HK1: variants seen among roughly 807,000 people sequenced by gnomAD.
HK1 encodes hexokinase-1.
HK1 carries 28 observed loss-of-function variants against 91.6 expected under a neutral mutation model. That is an observed-to-expected ratio of 0.31 (90% confidence interval 0.23 to 0.42). The LOEUF (loss-of-function observed/expected upper bound fraction) is 0.42. HK1 is among the 10% of genes least tolerant of loss of function. The pLI, the probability that HK1 is intolerant of heterozygous loss-of-function variation, is 1.00. For missense variants in HK1, 770 were observed against 1,219.8 expected (o/e 0.63, Z 5.49); for synonymous variants, 430 against 468.1 (o/e 0.92, Z 1.05).
rs1490532338 is a variant in HK1, at chr10:69,386,319, G to A, written c.1840-4G>A. ...GGACTCTCCTGGTGCTTTTTATGTTGTAGGGAATCTTGATCACGTGGACAA... is the reference window on the plus strand; with the variant it reads ...GGACTCTCCTGGTGCTTTTTATGTTATAGGGAATCTTGATCACGTGGACAA... On this transcript the variant is annotated splice_region_variant and splice_polypyrimidine_tract_variant and intron_variant, in intron 12 of 17. Coordinates refer to ENST00000359426, the MANE Select transcript of HK1 (RefSeq NM_000188.3). 1.2e-6 allele frequency: 2 copies of A among 1,612,874 alleles called. No individual in the cohort carries two copies. Among genetic ancestry groups the A allele is most frequent in the Admixed American group, 1.7e-5 (1 of 60,020 alleles).
intron 2 of HK1, among the ~76,000 whole-genome samples, chr10:69,352,793 A>G (rs375836636): frequency 2.0e-5 from 3 of 152,204 alleles, no homozygotes; most frequent in African/African-American, 7.2e-5. Flanking sequence ...CTAAAATTAG[A>G]TAGTGGTGAT....
chr10:69,378,097 T>C (rs1430970969), intron 8 of HK1, among the ~76,000 whole-genome samples: 2 of 152,206 alleles, frequency 1.3e-5, no homozygotes, highest in Non-Finnish European at 2.9e-5. Flanking sequence ...ATCACTCTCC[T>C]GAGTTTCCAG....
intron 1 of HK1, among the ~76,000 whole-genome samples, chr10:69,326,998 A>C (rs1033998853): frequency 9.0e-5 from 13 of 143,966 alleles, no homozygotes; most frequent in African/African-American, 3.0e-4. Flanking sequence ...TGTGGTTTTA[A>C]ACTTTTTTTT....
At chr10:69,313,775 G>T (rs931385521), upstream of HK1, among the ~76,000 whole-genome samples, 1 of 152,288 alleles carries the variant, frequency 6.6e-6, no homozygotes, top group Admixed American at 6.5e-5. Flanking sequence ...GATTACAGGC[G>T]TGAGGCACCG....
intron 1 of HK1, among the ~76,000 whole-genome samples, chr10:69,276,748 A>C (rs1007033415): frequency 6.0e-5 from 9 of 149,994 alleles, no homozygotes; most frequent in Admixed American, 6.0e-4. Context: ...TAAACATCAA[A>C]TCATTCAATC....
intron 3 of HK1, among the ~76,000 whole-genome samples, chr10:69,364,067 A>G (rs1337874790): frequency 6.6e-6 from 1 of 152,228 alleles, no homozygotes; most frequent in Non-Finnish European, 1.5e-5. Context: ...AGGCAGATGT[A>G]ACTGAGGGTG....
chr10:69,284,128 A>T (rs1349352890), intron 2 of HK1, among the ~76,000 whole-genome samples: 2 of 152,082 alleles, frequency 1.3e-5, no homozygotes, highest in African/African-American at 4.8e-5. Flanking sequence ...TACTACCCTC[A>T]GGGTTTGGGA....
At chr10:69,285,162 C>T (rs1369741435) in intron 2 of HK1, among the ~76,000 whole-genome samples, 2 of 150,558 alleles carry the variant, frequency 1.3e-5, no homozygotes, top group South Asian at 2.2e-4. Flanking sequence ...AGGCCGGGCG[C>T]GGTGGCTCAC....
At chr10:69,331,268 G>A (rs1201108997) in intron 1 of HK1, among the ~76,000 whole-genome samples, 1 of 152,198 alleles carries the variant, frequency 6.6e-6, no homozygotes, top group Non-Finnish European at 1.5e-5. Flanking sequence ...CATTGTTCTT[G>A]TTACTCTGTC....
In HK1 at chr10:69,386,404, A is replaced by T; in HGVS notation, c.1921A>T (p.Ile641Leu). 6.2e-7 allele frequency: 1 copy of T among 1,612,290 alleles called. No homozygotes were observed. Among genetic ancestry groups the T allele is most frequent in the Non-Finnish European group, 8.5e-7 (1 of 1,178,274 alleles). ...HDVVTLLRDA[I>L]KRREEFDLDV... ...TGTAGTCACCTTACTAAGGGATGCG[A>T]TAAAAAGGAGAGAGGTAACTATTAA... is the stretch of plus-strand genomic sequence containing the variant. The change falls in exon 13 of 18, where the codon ATA (isoleucine) becomes TTA (leucine). Residue 641 changes from isoleucine to leucine, a missense_variant. By Grantham distance (5) the Ile-to-Leu change is conservative. Transcript: ENST00000359426.
At chr10:69,373,421 C>T (rs1438153936) in intron 7 of HK1, among the ~76,000 whole-genome samples, 1 of 152,158 alleles carries the variant, frequency 6.6e-6, no homozygotes, top group Non-Finnish European at 1.5e-5. Flanking sequence ...CCCCACCTTG[C>T]CCCAGAGCCA....
Position 69,368,639 on chromosome 10 carries a change from C to T in HK1, c.591+8C>T. 1 of 1,604,144 alleles carries T rather than the reference C, an allele frequency of 6.2e-7. No homozygotes were observed. Among genetic ancestry groups the T allele is most frequent in the South Asian group, 1.1e-5 (1 of 90,868 alleles). The stretch of plus-strand genomic sequence containing the variant: ...GCCATCAAAAAGCGAGGGGTAATTT[C>T]TCCTGGGCCCTCTGCCTCAGCCATG... On this transcript the variant is annotated splice_region_variant and intron_variant, in intron 5 of 17. Transcript: ENST00000359426.
At chr10:69,395,769 G>T (rs1304092011) in intron 16 of HK1, among the ~76,000 whole-genome samples, 1 of 152,130 alleles carries the variant, frequency 6.6e-6, no homozygotes, top group African/African-American at 2.4e-5. Context: ...GCAGCCTGGG[G>T]TTCAGTGCCA....
In HK1 at chr10:69,368,587, G is replaced by C; in HGVS notation, c.547G>C (p.Ala183Pro). 2 of 1,614,240 alleles carry C rather than the reference G, an allele frequency of 1.2e-6. No individual in the cohort carries two copies. The highest frequency in any genetic ancestry group is 1.7e-6 in the Non-Finnish European group (2 of 1,180,022). Reference protein sequence around the residue: ...KRFKASGVEGADVVKLLNKAI... With the variant: ...KRFKASGVEGPDVVKLLNKAI... ...ATTTAAAGCGAGCGGAGTGGAAGGA[G>C]CAGATGTGGTCAAACTGCTTAACAA... Residue 183 changes from alanine (A) to proline (P), a missense_variant, in exon 5 of 18, where the codon GCA becomes CCA. Around this residue, in one of 7 missense-constraint regions of HK1, gnomAD observed 449 missense variants for 665.1 expected, o/e 0.68. Transcript: ENST00000359426.
intron 1 of HK1, among the ~76,000 whole-genome samples, chr10:69,324,312 C>T (rs1033239065): frequency 2.6e-5 from 4 of 152,070 alleles, no homozygotes; most frequent in South Asian, 2.1e-4. Flanking sequence ...ATTTGCTGGC[C>T]GGGCGTGGTG....
intron 2 of HK1, among the ~76,000 whole-genome samples, chr10:69,352,566 T>G (rs1188955344): frequency 6.6e-6 from 1 of 152,192 alleles, no homozygotes; most frequent in Non-Finnish European, 1.5e-5. Context: ...TGATCCACGC[T>G]ACAGCATGGA....
chr10:69,344,122 T>C, intron 2 of HK1, 133 bp downstream of exon 2: 1 of 897,900 alleles, frequency 1.1e-6, no homozygotes, highest in Non-Finnish European at 1.8e-6. Context: ...CATCCATCCA[T>C]CCATCCATCC....
upstream of HK1, chr10:69,318,332 C>A: frequency 1.6e-6 from 1 of 609,964 alleles, no homozygotes; most frequent in Non-Finnish European, 2.1e-6. Context: ...GCTTTCCACG[C>A]CCACTTCTGC....
chr10:69,383,639 C>T (rs1839498738), intron 10 of HK1, among the ~76,000 whole-genome samples: 1 of 152,262 alleles, frequency 6.6e-6, no homozygotes, highest in Non-Finnish European at 1.5e-5. Flanking sequence ...CTCATTCCTG[C>T]ATCTGCAGTC....
Sources: gnomAD v4.1 joint callset for allele counts (sites outside exome capture counted in the v4.1 genomes callset) on GRCh38, gnomAD v4.1.1 for gene constraint, gnomAD v4.1.1 regional missense constraint, MANE v1.5 for transcripts, NCBI Gene and HGNC (gene_info 2026-07-23, HGNC 2026-07-21) for gene names.